Variants in ACSM1 observed in about 807,000 individuals in gnomAD.
ACSM1 encodes acyl-coenzyme A synthetase ACSM1, mitochondrial.
A neutral mutation model predicts 75.8 loss-of-function variants in ACSM1; 79 were observed. That is an observed-to-expected ratio of 1.04 (90% CI 0.87 to 1.26). ACSM1 has a LOEUF of 1.26. ACSM1 is among the 50% of genes most tolerant of loss of function. The probability of loss-of-function intolerance (pLI) is 0.00; values close to 1 mark genes in which losing one functional copy is unlikely to be tolerated. For missense variants in ACSM1, 676 were observed against 720.1 expected, an observed-to-expected ratio of 0.94 and a Z score of 0.70; for synonymous variants, 279 against 265.8, an observed-to-expected ratio of 1.05 and a Z score of -0.48.
At position 20,682,278 on chromosome 16, in the gene ACSM1, G is replaced by A. The variant is rs770770391; in HGVS notation, c.589C>T (p.Leu197=). ...CACTTAACCAGCGATCGGAAGTCCA[G>A]CCACCCTTCACGGCTGTGATCAGAC... is the stretch of plus-strand genomic sequence containing the variant. ...LVSDHSREGW[L]DFRSLVKSAS... is the part of the protein sequence containing the mutation. Residue 197 remains leucine, a synonymous_variant, in exon 4 of 14, where the codon CTG becomes TTG. Coordinates refer to ENST00000520010, the MANE Select transcript of ACSM1 (RefSeq NM_001318890.3). The A allele has an allele frequency of 1.9e-6, 3 of 1,613,220 alleles. No individual in the cohort carries two copies. The East Asian group carries it at 6.7e-5, about 36-fold the overall frequency.
chr16:20,685,826 A>C (rs1178749920), intron 2 of ACSM1, among the ~76,000 whole-genome samples: 4 of 127,804 alleles, frequency 3.1e-5, no homozygotes, highest in Non-Finnish European at 5.3e-5. Flanking sequence ...TCTCAAAAAA[A>C]AAAAACAAAC....
chr16:20,635,094 G>A (rs1037143678), intron 10 of ACSM1, among the ~76,000 whole-genome samples: 15 of 148,890 alleles, frequency 1.0e-4, no homozygotes, highest in Admixed American at 3.4e-4. Context: ...AATATGTCAT[G>A]CTCAATCAAA....
Position 20,683,130 on chromosome 16 carries a change from T to A in ACSM1, c.404-667A>T, listed in dbSNP as rs184580976. Among the ~76,000 whole-genome samples the A allele has an allele frequency of 3.1e-3, 477 of 152,144 alleles. 3 individuals carry two copies. The highest frequency in any genetic ancestry group is 5.1e-3 in the Non-Finnish European group (348 of 68,006). On this transcript the variant is annotated intron_variant, in intron 3 of 13. Coordinates refer to ENST00000520010, the MANE Select transcript of ACSM1 (RefSeq NM_001318890.3). ...CTTTTTTTCTTTTATTTATTTATTT[T>A]TTTTTAAGGTGGAGTCTCCCCCTGT...
intron 4 of ACSM1, chr16:20,680,517 A>G (rs547628673): frequency 2.6e-5 from 4 of 152,388 alleles, no homozygotes; most frequent in South Asian, 2.1e-4. Flanking sequence ...AATTAATGCC[A>G]CAAGATAACT....
intron 7 of ACSM1, among the ~76,000 whole-genome samples, chr16:20,649,879 G>T (rs2018556344): frequency 6.6e-6 from 1 of 152,098 alleles, no homozygotes. Flanking sequence ...CACAGGCCAT[G>T]GTCGCTCATA....
chr16:20,690,379 A>G (rs529868993), intron 2 of ACSM1, among the ~76,000 whole-genome samples: 9 of 152,318 alleles, frequency 5.9e-5, no homozygotes, highest in Admixed American at 1.3e-4. Flanking sequence ...AGACAAACCA[A>G]GCACTTGGGG....
chr16:20,691,322 C>T (rs2079649759), intron 1 of ACSM1, 83 bp from the exon 2 acceptor site: 3 of 690,280 alleles, frequency 4.3e-6, no homozygotes, highest in Non-Finnish European at 7.0e-6. Context: ...TTAATTGCTA[C>T]AGTTATAGCT....
At chr16:20,680,730 C>T (rs568939961) in intron 4 of ACSM1, 15 of 152,260 alleles carry the variant, frequency 9.9e-5, no homozygotes, top group Non-Finnish European at 2.2e-4. Context: ...ATTACTCCTA[C>T]TTACCAGATC....
At chr16:20,644,538 AACACACACACACACACAC>A (rs56275246) in intron 7 of ACSM1, among the ~76,000 whole-genome samples, 11,645 of 145,088 alleles carry the variant, frequency 0.08, 607 homozygotes, top group East Asian at 0.21. Flanking sequence ...GTGATTGAGG[AACACACACACACACACAC>A]ACACACACAC....
chr16:20,625,100 C>T (rs1377296207), intron 12 of ACSM1, among the ~76,000 whole-genome samples: 1 of 152,222 alleles, frequency 6.6e-6, no homozygotes, highest in Non-Finnish European at 1.5e-5. Flanking sequence ...CCACCCCTTA[C>T]TCTAGCTGGG....
At chr16:20,636,711 A>G (rs375569615) in intron 10 of ACSM1, 28 bp downstream of exon 10, 1 of 1,570,186 alleles carries the variant, frequency 6.4e-7, no homozygotes, top group South Asian at 1.1e-5. Flanking sequence ...CCTTGGGGCC[A>G]GGATGGGGGC....
At chr16:20,638,397 C>T (rs1042317505) in intron 8 of ACSM1, among the ~76,000 whole-genome samples, 1 of 152,170 alleles carries the variant, frequency 6.6e-6, no homozygotes, top group Non-Finnish European at 1.5e-5. Context: ...CATTGCAGCC[C>T]ACAGGGCATT....
chr16:20,645,656 A>G (rs151113049), intron 7 of ACSM1, among the ~76,000 whole-genome samples: 190 of 152,334 alleles, frequency 1.2e-3, no homozygotes, highest in African/African-American at 4.5e-3. Context: ...TATCTCAGTC[A>G]GGTCAATGAT....
chr16:20,695,120 A>G (rs1252323218), intron 1 of ACSM1, among the ~76,000 whole-genome samples: 1 of 150,968 alleles, frequency 6.6e-6, no homozygotes, highest in Non-Finnish European at 1.5e-5. Context: ...ATTCTAATTT[A>G]ATCTTCGTCA....
At chr16:20,635,594 TTCTTTCTTTCTTTCTTTCTTTCTTTC>T (rs1289598652) in intron 10 of ACSM1, among the ~76,000 whole-genome samples, 272 of 26,028 alleles carry the variant, frequency 0.01, 1 homozygote, top group African/African-American at 0.079. Flanking sequence ...CTTTCTTTCT[TTCTTTCTTTCTTTCTTTCTTTCTTTC>T]TTTCTTTCTT....
chr16:20,672,885 A>G (rs1288963183), intron 4 of ACSM1, among the ~76,000 whole-genome samples: 5 of 131,066 alleles, frequency 3.8e-5, no homozygotes, highest in Non-Finnish European at 6.1e-5. Context: ...ATAAATATAT[A>G]TAATATATAA....
In ACSM1 at chr16:20,651,940, C is replaced by T. The variant is rs535116737; in HGVS notation, c.992+9854G>A. On this transcript the variant is annotated intron_variant, in intron 7 of 13. Transcript: ENST00000520010. The stretch of plus-strand genomic sequence containing the variant: ...TCCCACAGAATACTATAAAATTTGC[C>T]ATAAGTGTTATAAACTATAAAATCC... Among the ~76,000 whole-genome samples, 8 of 152,108 alleles carry T rather than the reference C, an allele frequency of 5.3e-5. No homozygotes were observed. In the South Asian group the frequency reaches 1.5e-3, roughly 28 times the overall value.
Position 20,640,515 on chromosome 16 carries a change from C to A in ACSM1, c.1062G>T (p.Glu354Asp), listed in dbSNP as rs2017989046. 1.9e-6 allele frequency: 3 copies of A among 1,614,192 alleles called. No homozygotes were observed. The highest frequency in any genetic ancestry group is 2.5e-6 in the Non-Finnish European group (3 of 1,180,020). The change falls in exon 8 of 14, where the codon GAG becomes GAT. Residue 354 changes from glutamate to aspartate, a missense_variant. Transcript: ENST00000520010. ...GCAGAAGGCCCGTCCGTCTTTTCCACTCCTCCTGATCCTTGGGCAACACGA... is the reference window on the plus strand; with the variant it reads ...GCAGAAGGCCCGTCCGTCTTTTCCAATCCTCCTGATCCTTGGGCAACACGA... ...GEVVLPKDQE[E>D]WKRRTGLLLY...
chr16:20,650,547 C>T (rs1181238458), intron 7 of ACSM1, among the ~76,000 whole-genome samples: 1 of 151,838 alleles, frequency 6.6e-6, no homozygotes, highest in African/African-American at 2.4e-5. Context: ...AGAGAGAAAC[C>T]CAGACACCTA....
Sources: allele counts gnomAD v4.1 joint callset (sites outside exome capture counted in the v4.1 genomes callset), GRCh38; gene constraint gnomAD v4.1.1; transcripts MANE v1.5; gene names NCBI Gene and HGNC (gene_info 2026-07-23, HGNC 2026-07-21).